The following NLRP2B variants were observed in gnomAD, a reference collection of about 807,000 sequenced individuals.
NLRP2B encodes NLR family pyrin domain-containing protein 2B.
For missense variants in NLRP2B, 25 were observed against 6.8 expected, an observed-to-expected ratio of 3.70 and a Z score of -3.00; for synonymous variants, 16 against 3.5, an observed-to-expected ratio of 4.63 and a Z score of -4.03.
At position 57,679,142 on chromosome X, in the gene NLRP2B, G is replaced by T; in HGVS notation, c.*981C>A. On this transcript the variant is annotated 3_prime_UTR_variant, in exon 1 of 1. Coordinates refer to ENST00000434992, the MANE Select transcript of NLRP2B (RefSeq NM_001319967.1). ...CAAAGGCACACATGGCTTGGTCCTC[G>T]TCTCCAAAGTGTCTCAGGAAATATG... 4.2e-6 allele frequency: 2 copies of T among 473,033 alleles called. No individual in the cohort carries two copies. The highest frequency in any genetic ancestry group is 2.6e-5 in the South Asian group (1 of 38,950). The allele number at this position is 473,033 out of a possible 1,213,427, so 39.0% of individuals were successfully genotyped here. A position where few individuals can be genotyped will look rare whatever the true frequency, so the allele number is the denominator to read the frequency against.
rs994635789 is a variant in NLRP2B, at chrX:57,678,428, A to T, written c.*1695T>A. 1 of 519,248 alleles carries T rather than the reference A, an allele frequency of 1.9e-6. No homozygotes were observed. Among genetic ancestry groups the T allele is most frequent in the African/African-American group, 2.3e-5 (1 of 43,400 alleles). The allele number at this position is 519,248 out of a possible 1,213,427, so 42.8% of individuals were successfully genotyped here. ...CCCTTCACCAGCTCCTCCTCCTGAG[A>T]CTCGTACAGACAGCACAAGAGCTCC... On this transcript the variant is annotated 3_prime_UTR_variant, in exon 1 of 1. Coordinates refer to ENST00000434992, the MANE Select transcript of NLRP2B (RefSeq NM_001319967.1).
chrX:57,678,363 AT>A lies in NLRP2B; in HGVS notation c.*1759del. On this transcript the variant is annotated 3_prime_UTR_variant, in exon 1 of 1. Transcript: ENST00000434992. ...TTGAAAACAGCATAATGTCTACTGC[AT>A]TTAAGTGCAGGGATATTTCTTTGAA... 1 of 528,758 alleles carries A rather than the reference AT, an allele frequency of 1.9e-6. No homozygotes were observed. Among genetic ancestry groups the A allele is most frequent in the Non-Finnish European group, 3.5e-6 (1 of 286,794 alleles). The allele number at this position is 528,758 out of a possible 1,213,427, so 43.6% of individuals were successfully genotyped here. A position where few individuals can be genotyped will look rare whatever the true frequency, so the allele number is the denominator to read the frequency against.
chrX:57,679,922 G>GCTCTTC lies in NLRP2B; in HGVS notation c.*200_*201insGAAGAG. On this transcript the variant is annotated 3_prime_UTR_variant, in exon 1 of 1. Coordinates refer to ENST00000434992, the MANE Select transcript of NLRP2B (RefSeq NM_001319967.1). The stretch of plus-strand genomic sequence containing the variant: ...CCCAGCATTTGTTTCAGGTCTATAG[G>GCTCTTC]TTTTGGCTCTTCTTTCCCTGTTTTC... 1 of 295,750 alleles carries GCTCTTC rather than the reference G, an allele frequency of 3.4e-6. No homozygotes were observed. The highest frequency in any genetic ancestry group is 5.9e-6 in the Non-Finnish European group (1 of 170,825). The allele number at this position is 295,750 out of a possible 1,213,427, so 24.4% of individuals were successfully genotyped here.
rs1309427834 is a variant in NLRP2B, at chrX:57,679,668, C to A, written c.*455G>T. On this transcript the variant is annotated 3_prime_UTR_variant, in exon 1 of 1. Coordinates refer to ENST00000434992, the MANE Select transcript of NLRP2B (RefSeq NM_001319967.1). The stretch of plus-strand genomic sequence containing the variant: ...TGTGTGGGCAGGGCCCGGGAAGCAC[C>A]CTGGGGTTGCTGAACGGGATCAGCA... The A allele has an allele frequency of 4.4e-6, 2 of 452,364 alleles. No homozygotes were observed. Among genetic ancestry groups the A allele is most frequent in the South Asian group, 4.0e-5 (1 of 24,694 alleles). The allele number at this position is 452,364 out of a possible 1,213,427, so 37.3% of individuals were successfully genotyped here. A position where few individuals can be genotyped will look rare whatever the true frequency, so the allele number is the denominator to read the frequency against.
In NLRP2B at chrX:57,678,722, C is replaced by A; in HGVS notation, c.*1401G>T. 2.5e-6 allele frequency: 1 copy of A among 400,528 alleles called. No homozygotes were observed. The highest frequency in any genetic ancestry group is 3.1e-5 in the South Asian group (1 of 32,172). 33.0% of individuals were successfully genotyped at this position (400,528 alleles called of 1,213,427 possible). A position where few individuals can be genotyped will look rare whatever the true frequency, so the allele number is the denominator to read the frequency against. ...TCCTCCTCCTCCTCCTCCTCCTTCT[C>A]CAGGGCGTGGAACAGCACAGTGAAA... On this transcript the variant is annotated 3_prime_UTR_variant, in exon 1 of 1. Transcript: ENST00000434992.
In NLRP2B at chrX:57,678,596, A is replaced by G. The variant is rs1261380171; in HGVS notation, c.*1527T>C. ...TTCTTCTCGTTGGCGAAGCCGAATAAGAAGTGTCTTGCTTGGATCAGGTCG... is the reference window on the plus strand; with the variant it reads ...TTCTTCTCGTTGGCGAAGCCGAATAGGAAGTGTCTTGCTTGGATCAGGTCG... On this transcript the variant is annotated 3_prime_UTR_variant, in exon 1 of 1. Transcript: ENST00000434992. 1 of 479,399 alleles carries G rather than the reference A, an allele frequency of 2.1e-6. No individual in the cohort carries two copies. Among genetic ancestry groups the G allele is most frequent in the Admixed American group, 2.7e-5 (1 of 36,671 alleles). The allele number at this position is 479,399 out of a possible 1,213,427, so 39.5% of individuals were successfully genotyped here. A position where few individuals can be genotyped will look rare whatever the true frequency, so the allele number is the denominator to read the frequency against.
Position 57,677,124 on chromosome X carries a change from G to A in NLRP2B, c.*2999C>T, listed in dbSNP as rs1452192293. ...CCCCCCCAAAGGATCATGTTTCTCA[G>A]TTATCAGCAGGCAGTTGTGGGTTGT... is the stretch of plus-strand genomic sequence containing the variant. On this transcript the variant is annotated 3_prime_UTR_variant, in exon 1 of 1. Transcript: ENST00000434992. 1.3e-5 allele frequency: 4 copies of A among 299,095 alleles called. No individual in the cohort carries two copies. The highest frequency in any genetic ancestry group is 2.8e-5 in the African/African-American group (1 of 36,116). 24.6% of individuals were successfully genotyped at this position (299,095 alleles called of 1,213,427 possible).
chrX:57,678,781 C>A lies in NLRP2B; in HGVS notation c.*1342G>T. 1 of 395,214 alleles carries A rather than the reference C, an allele frequency of 2.5e-6. No individual in the cohort carries two copies. Among genetic ancestry groups the A allele is most frequent in the South Asian group, 3.0e-5 (1 of 32,838 alleles). 32.6% of individuals were successfully genotyped at this position (395,214 alleles called of 1,213,427 possible). A position where few individuals can be genotyped will look rare whatever the true frequency, so the allele number is the denominator to read the frequency against. Reference sequence around the variant, plus strand: ...GAAGCTGAGGTGGATGTAGGAATAGCAGCCTTTAGAGACTATGTCCTGGCG... The same window carrying A: ...GAAGCTGAGGTGGATGTAGGAATAGAAGCCTTTAGAGACTATGTCCTGGCG... On this transcript the variant is annotated 3_prime_UTR_variant, in exon 1 of 1. Transcript: ENST00000434992.
rs2011732228 is a variant in NLRP2B, at chrX:57,678,528, C to T, written c.*1595G>A. Reference sequence around the variant, plus strand: ...ATCACAGTAATTCCTTTTTGATCTCCGGTGACATCAGGCAGCCCAAAGTGG... The same window carrying T: ...ATCACAGTAATTCCTTTTTGATCTCTGGTGACATCAGGCAGCCCAAAGTGG... On this transcript the variant is annotated 3_prime_UTR_variant, in exon 1 of 1. Transcript: ENST00000434992. The T allele has an allele frequency of 4.3e-5, 22 of 507,274 alleles. No homozygotes were observed. The highest frequency in any genetic ancestry group is 7.4e-5 in the Admixed American group (3 of 40,467). The allele number at this position is 507,274 out of a possible 1,213,427, so 41.8% of individuals were successfully genotyped here. A position where few individuals can be genotyped will look rare whatever the true frequency, so the allele number is the denominator to read the frequency against.
Position 57,677,811 on chromosome X carries a change from G to A in NLRP2B, c.*2312C>T. The A allele has an allele frequency of 2.3e-6, 1 of 442,425 alleles. No individual in the cohort carries two copies. Among genetic ancestry groups the A allele is most frequent in the Non-Finnish European group, 4.3e-6 (1 of 233,082 alleles). The allele number at this position is 442,425 out of a possible 1,213,427, so 36.5% of individuals were successfully genotyped here. The stretch of plus-strand genomic sequence containing the variant: ...CATCCAAGAGCTCATTGTGAGAGAG[G>A]TTTACACATGTCAGGGACTGGTTGA... On this transcript the variant is annotated 3_prime_UTR_variant, in exon 1 of 1. Transcript: ENST00000434992.
chrX:57,679,404 G>C lies in NLRP2B; in HGVS notation c.*719C>G. ...GGGCTCCCAGCTCATCAAAGCCGTC[G>C]ACCACGAACAGGATTTTCTGTGCTT... On this transcript the variant is annotated 3_prime_UTR_variant, in exon 1 of 1. Coordinates refer to ENST00000434992, the MANE Select transcript of NLRP2B (RefSeq NM_001319967.1). 1 of 897,458 alleles carries C rather than the reference G, an allele frequency of 1.1e-6. No homozygotes were observed. The allele number at this position is 897,458 out of a possible 1,213,427, so 74.0% of individuals were successfully genotyped here. A position where few individuals can be genotyped will look rare whatever the true frequency, so the allele number is the denominator to read the frequency against.
Position 57,678,412 on chromosome X carries a change from A to T in NLRP2B, c.*1711T>A. ...GAACGGAGCCATCACTCCCTTCACC[A>T]GCTCCTCCTCCTGAGACTCGTACAG... On this transcript the variant is annotated 3_prime_UTR_variant, in exon 1 of 1. Coordinates refer to ENST00000434992, the MANE Select transcript of NLRP2B (RefSeq NM_001319967.1). The T allele has an allele frequency of 3.8e-6, 2 of 522,166 alleles. No homozygotes were observed. Among genetic ancestry groups the T allele is most frequent in the South Asian group, 2.4e-5 (1 of 40,935 alleles). The allele number at this position is 522,166 out of a possible 1,213,427, so 43.0% of individuals were successfully genotyped here.
chrX:57,678,837 G>A lies in NLRP2B; in HGVS notation c.*1286C>T. The A allele has an allele frequency of 2.7e-6, 1 of 368,888 alleles. No individual in the cohort carries two copies. The highest frequency in any genetic ancestry group is 5.0e-6 in the Non-Finnish European group (1 of 200,651). The allele number at this position is 368,888 out of a possible 1,213,427, so 30.4% of individuals were successfully genotyped here. ...TGTCTCTGTCCAGGGACGGGCGGAT[G>A]TTGAACTCCTGCACCCCGAGCCTCG... On this transcript the variant is annotated 3_prime_UTR_variant, in exon 1 of 1. Coordinates refer to ENST00000434992, the MANE Select transcript of NLRP2B (RefSeq NM_001319967.1).
rs1351005109 is a variant in NLRP2B, at chrX:57,678,677, A to C, written c.*1446T>G. ...AGCTTCTGCACGTCTCCATTGTCCC[A>C]GGCGTGGCCGTCCTTGTCCTCCTCC... On this transcript the variant is annotated 3_prime_UTR_variant, in exon 1 of 1. Transcript: ENST00000434992. 2.4e-6 allele frequency: 1 copy of C among 412,836 alleles called. No homozygotes were observed. Among genetic ancestry groups the C allele is most frequent in the East Asian group, 4.8e-5 (1 of 21,000 alleles). 34.0% of individuals were successfully genotyped at this position (412,836 alleles called of 1,213,427 possible). A position where few individuals can be genotyped will look rare whatever the true frequency, so the allele number is the denominator to read the frequency against.
At position 57,678,432 on chromosome X, in the gene NLRP2B, G is replaced by C; in HGVS notation, c.*1691C>G. On this transcript the variant is annotated 3_prime_UTR_variant, in exon 1 of 1. Coordinates refer to ENST00000434992, the MANE Select transcript of NLRP2B (RefSeq NM_001319967.1). ...TCACCAGCTCCTCCTCCTGAGACTC[G>C]TACAGACAGCACAAGAGCTCCTTCG... The C allele has an allele frequency of 1.9e-6, 1 of 520,668 alleles. No homozygotes were observed. The highest frequency in any genetic ancestry group is 3.5e-6 in the Non-Finnish European group (1 of 282,785). 42.9% of individuals were successfully genotyped at this position (520,668 alleles called of 1,213,427 possible).
Position 57,678,983 on chromosome X carries a change from G to T in NLRP2B, c.*1140C>A. 6 of 451,713 alleles carry T rather than the reference G, an allele frequency of 1.3e-5. No individual in the cohort carries two copies. Among genetic ancestry groups the T allele is most frequent in the Non-Finnish European group, 2.3e-5 (6 of 260,999 alleles). The allele number at this position is 451,713 out of a possible 1,213,427, so 37.2% of individuals were successfully genotyped here. A position where few individuals can be genotyped will look rare whatever the true frequency, so the allele number is the denominator to read the frequency against. ...TGCGGGAACCGGCCGCAAAGGAAGC[G>T]CAGGAACAGCCCCGTGCGGGTGGGG... On this transcript the variant is annotated 3_prime_UTR_variant, in exon 1 of 1. Transcript: ENST00000434992.
chrX:57,678,310 T>C lies in NLRP2B; in HGVS notation c.*1813A>G. 1.8e-6 allele frequency: 1 copy of C among 543,707 alleles called. No homozygotes were observed. The highest frequency in any genetic ancestry group is 3.4e-6 in the Non-Finnish European group (1 of 293,901). 44.8% of individuals were successfully genotyped at this position (543,707 alleles called of 1,213,427 possible). On this transcript the variant is annotated 3_prime_UTR_variant, in exon 1 of 1. Transcript: ENST00000434992. Reference sequence around the variant, plus strand: ...CTTTGCTGCCTGCAGTGGCATTTTCTGCAAGTTTCGACAATGCTTGAGGCA... The same window carrying C: ...CTTTGCTGCCTGCAGTGGCATTTTCCGCAAGTTTCGACAATGCTTGAGGCA...
rs916975790 is a variant in NLRP2B, at chrX:57,678,693, GTCC to G, written c.*1427_*1429del. 6,237 of 347,820 alleles carry G rather than the reference GTCC, an allele frequency of 0.018. No homozygotes were observed. The highest frequency in any genetic ancestry group is 0.02 in the Non-Finnish European group (3,802 of 186,624). The allele number at this position is 347,820 out of a possible 1,213,427, so 28.7% of individuals were successfully genotyped here. A position where few individuals can be genotyped will look rare whatever the true frequency, so the allele number is the denominator to read the frequency against. On this transcript the variant is annotated 3_prime_UTR_variant, in exon 1 of 1. Coordinates refer to ENST00000434992, the MANE Select transcript of NLRP2B (RefSeq NM_001319967.1). ...CATTGTCCCAGGCGTGGCCGTCCTT[GTCC>G]TCCTCCTCCTCCTCCTCCTCCTTCT...
rs1025386882 is a variant in NLRP2B at position 57,679,576 on chromosome X, C to T, written c.*547G>A. The T allele has an allele frequency of 1.2e-4, 65 of 530,847 alleles. No individual in the cohort carries two copies. The highest frequency in any genetic ancestry group is 2.6e-5 in the Non-Finnish European group (8 of 301,932). 43.7% of individuals were successfully genotyped at this position (530,847 alleles called of 1,213,427 possible). A position where few individuals can be genotyped will look rare whatever the true frequency, so the allele number is the denominator to read the frequency against. ...TTTCTGGCTGAGGTTGTCCTCTGCC[C>T]AGTCCAGCATTAATTTCTTGGCCAG... On this transcript the variant is annotated 3_prime_UTR_variant, in exon 1 of 1. Transcript: ENST00000434992.
Sources: allele counts gnomAD v4.1 joint callset, GRCh38; gene constraint gnomAD v4.1.1; transcripts MANE v1.5; gene names NCBI Gene and HGNC (gene_info 2026-07-23, HGNC 2026-07-21).